Variants in MCUR1 observed in about 807,000 individuals in gnomAD.
The protein encoded by MCUR1 is MCU regulator 1.
Under a neutral mutation model 42.0 loss-of-function variants are expected in MCUR1, and 37 were observed. The observed-to-expected ratio is 0.88, with a 90% CI of 0.68 to 1.16. MCUR1 has a LOEUF of 1.16. Ranked by LOEUF, MCUR1 falls within the 50% of genes most tolerant of loss-of-function variation. MCUR1 has a pLI of 0.00. For synonymous variants in MCUR1, 229 were observed against 196.2 expected, an observed-to-expected ratio of 1.17 and a Z score of -1.40; for missense variants, 469 against 468.4, an observed-to-expected ratio of 1.00 and a Z score of -0.01.
At chr6:13,797,267 G>GAA (rs1280543026) in intron 6 of MCUR1, among the ~76,000 whole-genome samples, 5 of 152,174 alleles carry the variant, frequency 3.3e-5, no homozygotes, top group Admixed American at 2.6e-4. Flanking sequence ...GTTAGTGCAA[G>GAA]ATGCTCTCTC....
At chr6:13,813,760 C>T (rs953507269) in intron 1 of MCUR1, among the ~76,000 whole-genome samples, 2 of 152,212 alleles carry the variant, frequency 1.3e-5, no homozygotes, top group Non-Finnish European at 2.9e-5. Flanking sequence ...AACTCCCCGC[C>T]CCAGCACGCA....
chr6:13,802,855 C>T (rs766426848), intron 2 of MCUR1, among the ~76,000 whole-genome samples: 16 of 152,024 alleles, frequency 1.1e-4, no homozygotes, highest in Admixed American at 9.2e-4. Context: ...TGTTTTATGT[C>T]CAGCATAAGG....
At chr6:13,792,339 T>C (rs139005053) in intron 7 of MCUR1, among the ~76,000 whole-genome samples, 79 of 152,354 alleles carry the variant, frequency 5.2e-4, no homozygotes, top group Middle Eastern at 3.4e-3. Flanking sequence ...GATGTGGTAT[T>C]ATGAGGCCAG....
intron 2 of MCUR1, among the ~76,000 whole-genome samples, chr6:13,803,270 A>G (rs1760032878): frequency 6.6e-6 from 1 of 152,248 alleles, no homozygotes; most frequent in African/African-American, 2.4e-5. Flanking sequence ...CGTGTTGGTC[A>G]GGCTGTTCTC....
intron 2 of MCUR1, among the ~76,000 whole-genome samples, chr6:13,805,447 T>C (rs1039411139): frequency 6.6e-6 from 1 of 152,230 alleles, no homozygotes; most frequent in African/African-American, 2.4e-5. Flanking sequence ...AGTTCATTCA[T>C]GCGTATTATC....
chr6:13,803,855 GGGTGTGGT>G, intron 2 of MCUR1: 2 of 985,364 alleles, frequency 2.0e-6, no homozygotes, highest in Non-Finnish European at 2.4e-6. Context: ...TTCACTGGCT[GGGTGTGGT>G]GGCTCACGCC....
chr6:13,814,220 G>A lies in MCUR1; in HGVS notation c.210C>T (p.Leu70=). 1.4e-6 allele frequency: 2 copies of A among 1,460,982 alleles called. No individual in the cohort carries two copies. The highest frequency in any genetic ancestry group is 1.3e-5 in the South Asian group (1 of 75,716). The allele number at this position is 1,460,982 out of a possible 1,614,324, so 90.5% of individuals were successfully genotyped here. A position where few individuals can be genotyped will look rare whatever the true frequency, so the allele number is the denominator to read the frequency against. ...GCGGGGAGGGCACTAGCAGGAGGAGGAGCAGCGGTGAGGCACGTGACACGC... is the reference window on the plus strand; with the variant it reads ...GCGGGGAGGGCACTAGCAGGAGGAGAAGCAGCGGTGAGGCACGTGACACGC... The part of the protein sequence containing the change: ...RGGVSRASPL[L]LLLLVPSPRL... Residue 70 remains leucine (L), a synonymous_variant, in exon 1 of 9, where the codon CTC becomes CTT. Coordinates refer to ENST00000379170, the MANE Select transcript of MCUR1 (RefSeq NM_001031713.4).
intron 6 of MCUR1, among the ~76,000 whole-genome samples, chr6:13,798,258 G>A (rs1313225878): frequency 6.6e-6 from 1 of 151,542 alleles, no homozygotes; most frequent in Admixed American, 6.6e-5. Context: ...ACCATGCCCG[G>A]CTTATTTTTT....
At chr6:13,792,033 G>GCCCGGCCCAGGCATAGTT in intron 7 of MCUR1, 41 bp from the exon 8 acceptor site, 2 of 1,477,564 alleles carry the variant, frequency 1.4e-6, no homozygotes, top group Non-Finnish European at 1.9e-6. Context: ...ACCACAGCAC[G>GCCCGGCCCAGGCATAGTT]TCCCCTCTGC....
At chr6:13,811,354 G>A (rs971102882) in intron 1 of MCUR1, among the ~76,000 whole-genome samples, 2 of 149,902 alleles carry the variant, frequency 1.3e-5, no homozygotes, top group Non-Finnish European at 3.0e-5. Flanking sequence ...TTTTTTTTTT[G>A]GTAATTGAAC....
chr6:13,813,921 C>G, intron 1 of MCUR1, 94 bp downstream of exon 1: 4 of 1,194,668 alleles, frequency 3.3e-6, no homozygotes, highest in Non-Finnish European at 4.2e-6. Flanking sequence ...TCCGGCCTGC[C>G]GGGCCTTTCC....
At chr6:13,802,148 A>T in intron 3 of MCUR1, 95 bp downstream of exon 3, 1 of 893,456 alleles carries the variant, frequency 1.1e-6, no homozygotes, top group Non-Finnish European at 1.7e-6. Context: ...ATACTTTTCA[A>T]CGGGGTATTA....
At chr6:13,810,735 A>T (rs1760214454) in intron 1 of MCUR1, among the ~76,000 whole-genome samples, 1 of 152,236 alleles carries the variant, frequency 6.6e-6, no homozygotes, top group Admixed American at 6.5e-5. Context: ...TGGTCACTGT[A>T]AGCATCCAGA....
At chr6:13,803,482 T>C (rs1319793246) in intron 2 of MCUR1, among the ~76,000 whole-genome samples, 1 of 152,234 alleles carries the variant, frequency 6.6e-6, no homozygotes, top group South Asian at 2.1e-4. Context: ...GCTATAAGAA[T>C]TTCAGAAGAA....
At chr6:13,792,866 T>C (rs1759762045) in intron 7 of MCUR1, among the ~76,000 whole-genome samples, 1 of 152,106 alleles carries the variant, frequency 6.6e-6, no homozygotes, top group Non-Finnish European at 1.5e-5. Flanking sequence ...GGTCCCAGGT[T>C]CCATACAGTA....
In MCUR1 at chr6:13,814,266, CGAG is replaced by C; in HGVS notation, c.161_163del (p.Pro54del). The C allele has an allele frequency of 4.1e-6, 6 of 1,476,818 alleles. No homozygotes were observed. The highest frequency in any genetic ancestry group is 4.5e-6 in the Non-Finnish European group (5 of 1,121,368). The allele number at this position is 1,476,818 out of a possible 1,614,324, so 91.5% of individuals were successfully genotyped here. A position where few individuals can be genotyped will look rare whatever the true frequency, so the allele number is the denominator to read the frequency against. ...CACGCCGCCGCGGGCCGCCGGGGCG[CGAG>C]GGCGCAGCGCCCCCAGACCGTCGGA... On this transcript the variant is annotated inframe_deletion, in exon 1 of 9. Coordinates refer to ENST00000379170, the MANE Select transcript of MCUR1 (RefSeq NM_001031713.4).
chr6:13,814,225 G>T lies in MCUR1; in HGVS notation c.205C>A (p.Leu69Met). Residue 69 changes from leucine to methionine, a missense_variant, in exon 1 of 9, where the codon CTG (leucine) becomes ATG (methionine). Coordinates refer to ENST00000379170, the MANE Select transcript of MCUR1 (RefSeq NM_001031713.4). ...GAGGGCACTAGCAGGAGGAGGAGCA[G>T]CGGTGAGGCACGTGACACGCCGCCG... is the stretch of plus-strand genomic sequence containing the variant. ...ARGGVSRASP[L>M]LLLLLVPSPR... 6.8e-7 allele frequency: 1 copy of T among 1,464,060 alleles called. No homozygotes were observed. 90.7% of individuals were successfully genotyped at this position (1,464,060 alleles called of 1,614,324 possible).
At chr6:13,797,491 G>C (rs566951106) in intron 6 of MCUR1, among the ~76,000 whole-genome samples, 1 of 147,912 alleles carries the variant, frequency 6.8e-6, no homozygotes, top group Admixed American at 6.8e-5. Flanking sequence ...GGCGGATCAC[G>C]AGGTCAGGAG....
chr6:13,804,238 G>A lies in MCUR1; in HGVS notation c.536-1892C>T, dbSNP rs142545899. ...CTCAGGAGGATGAGGTGGGAGGATC[G>A]CTTGAAACCGGGAGGTGGGGGTTGC... On this transcript the variant is annotated intron_variant, in intron 2 of 8. Transcript: ENST00000379170. 240 of 191,014 alleles carry A rather than the reference G, an allele frequency of 1.3e-3. 5 individuals are homozygous for A. In the East Asian group the frequency reaches 0.038, roughly 31 times the overall value. The allele number at this position is 191,014 out of a possible 1,614,324, so 11.8% of individuals were successfully genotyped here. A position where few individuals can be genotyped will look rare whatever the true frequency, so the allele number is the denominator to read the frequency against.
Sources: gnomAD v4.1 joint callset for allele counts (sites outside exome capture counted in the v4.1 genomes callset) on GRCh38, gnomAD v4.1.1 for gene constraint, MANE v1.5 for transcripts, NCBI Gene and HGNC (gene_info 2026-07-23, HGNC 2026-07-21) for gene names.